AGAP3: variants seen among roughly 807,000 people sequenced by gnomAD.
The protein encoded by AGAP3 is arf-GAP with GTPase, ANK repeat and PH domain-containing protein 3.
A neutral mutation model predicts 96.9 loss-of-function variants in AGAP3; 24 were observed. That is an observed-to-expected ratio of 0.25 (90% confidence interval 0.18 to 0.35). The LOEUF is 0.35. Among genes scored for constraint, AGAP3 ranks in the 10% least tolerant of loss-of-function variants. The pLI, the probability that AGAP3 is intolerant of heterozygous loss-of-function variation, is 1.00. For synonymous variants in AGAP3, 563 were observed against 536.1 expected, an observed-to-expected ratio of 1.05 and a Z score of -0.69; for missense variants, 876 against 1,254.2, an observed-to-expected ratio of 0.70 and a Z score of 4.55.
In AGAP3 at chr7:151,141,953, C is replaced by G. The variant is rs759926093; in HGVS notation, c.1860C>G (p.His620Gln). ...VVVSLTGQTW[H>Q]FEASTAEERE... ...TGTCCCTCACTGGGCAGACGTGGCA[C>G]TTCGAGGCTTCAACGGCGGAGGAGC... Residue 620 changes from histidine to glutamine, a missense_variant, in exon 14 of 18, where the codon CAC (histidine) becomes CAG (glutamine). Transcript: ENST00000397238. The surrounding 1 kb of genome is among the most constrained non-coding windows in gnomAD (Gnocchi z 4.2). 11 of 1,614,052 alleles carry G rather than the reference C, an allele frequency of 6.8e-6. No individual in the cohort carries two copies. Among genetic ancestry groups the G allele is most frequent in the Non-Finnish European group, 1.7e-6 (2 of 1,180,034 alleles).
At chr7:151,123,174 T>TTCCTGC in intron 8 of AGAP3, 5 of 1,063,492 alleles carry the variant, frequency 4.7e-6, no homozygotes, top group African/African-American at 1.7e-5. Context: ...ACCTCTGCCG[T>TTCCTGC]TCCTGCTCCT....
At chr7:151,103,542 A>G (rs1798916837) in intron 1 of AGAP3, among the ~76,000 whole-genome samples, 1 of 152,050 alleles carries the variant, frequency 6.6e-6, no homozygotes, top group Non-Finnish European at 1.5e-5. Flanking sequence ...TCACTGCCTC[A>G]TGCTCACATA....
At chr7:151,109,175 A>AC (rs201040430) in intron 1 of AGAP3, among the ~76,000 whole-genome samples, 14 of 135,600 alleles carry the variant, frequency 1.0e-4, no homozygotes, top group East Asian at 3.0e-4. Flanking sequence ...TAAAAAAAAA[A>AC]AAAAACAAAA....
At chr7:151,087,120 G>C (rs985724467) in intron 1 of AGAP3, 48 bp downstream of exon 1, 3 of 1,545,272 alleles carry the variant, frequency 1.9e-6, no homozygotes, top group African/African-American at 2.7e-5. Context: ...TGGCCTCTCC[G>C]GCGCCGGCCG....
intron 1 of AGAP3, among the ~76,000 whole-genome samples, chr7:151,087,391 G>C (rs1038332588): frequency 8.5e-5 from 13 of 152,204 alleles, no homozygotes; most frequent in Non-Finnish European, 1.8e-4. Context: ...CTTCAGCTGC[G>C]GGGAGGTGGG....
chr7:151,111,819 C>G (rs1799299845), intron 1 of AGAP3, among the ~76,000 whole-genome samples: 1 of 152,140 alleles, frequency 6.6e-6, no homozygotes, highest in Non-Finnish European at 1.5e-5. Flanking sequence ...GCCATGGAGC[C>G]TCTCAGCCCC....
Position 151,138,218 on chromosome 7 carries a change from GC to G in AGAP3, c.1574del (p.Pro525LeufsTer166). The part of the protein sequence containing the change: ...PLSSSAWAGP[R>X]PEGLHQRSCS... ...AGCAGCTCGGCCTGGGCTGGCCCGC[GC>G]CCTGAGGGGCTGCACCAGCGCTCCT... On this transcript the variant is annotated frameshift_variant, in exon 12 of 18. Transcript: ENST00000397238. LOFTEE classifies it high-confidence loss of function. 2 of 1,611,898 alleles carry G rather than the reference GC, an allele frequency of 1.2e-6. No homozygotes were observed. The highest frequency in any genetic ancestry group is 1.7e-6 in the Non-Finnish European group (2 of 1,179,542).
At chr7:151,115,391 G>C in intron 1 of AGAP3, 1 of 1,020,472 alleles carries the variant, frequency 9.8e-7, no homozygotes. Flanking sequence ...AGTCAGGGCT[G>C]CTGGCCCGGC....
intron 1 of AGAP3, 95 bp from the exon 2 acceptor site, chr7:151,116,698 G>A: frequency 1.4e-6 from 2 of 1,433,368 alleles, no homozygotes; most frequent in Non-Finnish European, 2.0e-6. Flanking sequence ...TCTGGCCTGG[G>A]CTTGGGGAGG....
chr7:151,099,247 G>A (rs1225557608), intron 1 of AGAP3, among the ~76,000 whole-genome samples: 2 of 151,446 alleles, frequency 1.3e-5, no homozygotes, highest in African/African-American at 2.4e-5. Context: ...GGAGGCTGAG[G>A]CAGGAGAATG....
Position 151,118,378 on chromosome 7 carries a change from C to A in AGAP3, c.841+34C>A, listed in dbSNP as rs1043358972. On this transcript the variant is annotated intron_variant, in intron 6 of 17. Transcript: ENST00000397238. This position sits in a 1 kb window ranked among gnomAD's most constrained non-coding sequence, Gnocchi z 6.1. ...GGTGCCGGGTGGGAGTCACTGGCAGCCGCGGCCCCAGTGCTGGCGATAGGA... is the reference window on the plus strand; with the variant it reads ...GGTGCCGGGTGGGAGTCACTGGCAGACGCGGCCCCAGTGCTGGCGATAGGA... 3 of 1,597,752 alleles carry A rather than the reference C, an allele frequency of 1.9e-6. No homozygotes were observed. In the African/African-American group the frequency reaches 4.0e-5, roughly 21 times the overall value.
intron 9 of AGAP3, among the ~76,000 whole-genome samples, chr7:151,125,793 C>T (rs1271969935): frequency 6.6e-6 from 1 of 152,254 alleles, no homozygotes; most frequent in Admixed American, 6.5e-5. Context: ...TTGCCATTTG[C>T]ATTCCCAATC....
At chr7:151,121,907 G>A (rs766827121) in intron 8 of AGAP3, among the ~76,000 whole-genome samples, 8 of 152,194 alleles carry the variant, frequency 5.3e-5, no homozygotes, top group African/African-American at 1.4e-4. Context: ...ATGCTTGCTC[G>A]AGGGCGAGCC....
rs1325237731 is a variant in AGAP3 at position 151,118,270 on chromosome 7, C to T, written c.767C>T (p.Thr256Ile). The T allele has an allele frequency of 1.2e-6, 2 of 1,613,596 alleles. No homozygotes were observed. Among genetic ancestry groups the T allele is most frequent in the Non-Finnish European group, 1.7e-6 (2 of 1,179,618 alleles). ...IDDSRARKLS[T>I]DLKRCTYYET... ...GACAGCAGAGCCCGCAAGCTCTCCA[C>T]AGATCTGAAGCGGTGCACCTACTAT... Residue 256 changes from threonine (T) to isoleucine (I), a missense_variant, in exon 6 of 18, where the codon ACA (threonine) becomes ATA (isoleucine). Transcript: ENST00000397238. This position sits in a 1 kb window ranked among gnomAD's most constrained non-coding sequence, Gnocchi z 6.1.
intron 1 of AGAP3, among the ~76,000 whole-genome samples, chr7:151,098,479 G>A (rs1563430005): frequency 1.3e-5 from 2 of 151,910 alleles, no homozygotes; most frequent in African/African-American, 2.4e-5. Context: ...GTGAGACGCT[G>A]TCTCTACAAA....
At chr7:151,117,854 G>A (rs1585075464) in intron 5 of AGAP3, 77 bp downstream of exon 5, 1 of 1,501,626 alleles carries the variant, frequency 6.7e-7, no homozygotes, top group East Asian at 2.3e-5. Context: ...GGGTGGGCAG[G>A]TGTGAGAAAG....
At chr7:151,106,821 T>C (rs934872155) in intron 1 of AGAP3, among the ~76,000 whole-genome samples, 2 of 152,048 alleles carry the variant, frequency 1.3e-5, no homozygotes, top group Admixed American at 6.5e-5. Context: ...TTCTGTCCAC[T>C]AGACTCTCAG....
chr7:151,121,563 C>T (rs781153251), intron 8 of AGAP3, among the ~76,000 whole-genome samples: 20 of 152,084 alleles, frequency 1.3e-4, no homozygotes, highest in Non-Finnish European at 2.6e-4. Flanking sequence ...TGCCCTGCTA[C>T]CCTCTCCTCC....
At chr7:151,091,109 G>A (rs997292019) in intron 1 of AGAP3, among the ~76,000 whole-genome samples, 17 of 152,334 alleles carry the variant, frequency 1.1e-4, no homozygotes, top group African/African-American at 3.4e-4. Context: ...GTGCCAGGGT[G>A]CTCTCTTGAG....
Sources: allele counts gnomAD v4.1 joint callset (sites outside exome capture counted in the v4.1 genomes callset), GRCh38; gene constraint gnomAD v4.1.1; non-coding constraint Gnocchi (gnomAD v3.1); transcripts MANE v1.5; gene names NCBI Gene and HGNC (gene_info 2026-07-23, HGNC 2026-07-21).